ARHGEF37: variants seen among roughly 807,000 people sequenced by gnomAD.
ARHGEF37 encodes the protein Rho guanine nucleotide exchange factor (GEF) 37.
Under a neutral mutation model 71.1 loss-of-function variants are expected in ARHGEF37, and 55 were observed. That is an observed-to-expected ratio of 0.77 (90% CI 0.62 to 0.97). The LOEUF (loss-of-function observed/expected upper bound fraction) is 0.97. Among genes scored for constraint, ARHGEF37 ranks in the 50% least tolerant of loss-of-function variants. The pLI is 0.00. For missense variants in ARHGEF37, 765 were observed against 836.8 expected (o/e 0.91, Z 1.06); for synonymous variants, 327 against 350.6 (o/e 0.93, Z 0.75).
chr5:149,631,645 A>T (rs1455120476), intron 12 of ARHGEF37, among the ~76,000 whole-genome samples: 3 of 152,194 alleles, frequency 2.0e-5, no homozygotes, highest in Non-Finnish European at 4.4e-5. Flanking sequence ...GAGGTCAGAC[A>T]GGCCTAGATT....
chr5:149,562,982 G>T (rs1371255422), intron 1 of ARHGEF37, among the ~76,000 whole-genome samples: 2 of 152,058 alleles, frequency 1.3e-5, no homozygotes, highest in Non-Finnish European at 2.9e-5. Flanking sequence ...TCTCAATTCT[G>T]CCGCTTGGTG....
chr5:149,576,190 A>C (rs1204388109), intron 1 of ARHGEF37, among the ~76,000 whole-genome samples: 1 of 152,258 alleles, frequency 6.6e-6, no homozygotes. Flanking sequence ...AGTTGCAGTG[A>C]GCCAACATCA....
intron 2 of ARHGEF37, among the ~76,000 whole-genome samples, chr5:149,599,247 C>A (rs1763680902): frequency 6.6e-6 from 1 of 152,116 alleles, no homozygotes; most frequent in African/African-American, 2.4e-5. Context: ...GCAGGGAGGA[C>A]ATACGCCCAC....
rs1214562290 is a variant in ARHGEF37 at position 149,619,952 on chromosome 5, A to G, written c.895-402A>G. Among the ~76,000 whole-genome samples the G allele has an allele frequency of 3.3e-5, 5 of 152,066 alleles. No homozygotes were observed. In the East Asian group the frequency reaches 5.8e-4, roughly 18 times the overall value. On this transcript the variant is annotated intron_variant, in intron 7 of 12. Coordinates refer to ENST00000333677, the MANE Select transcript of ARHGEF37 (RefSeq NM_001001669.3). ...GCCAGGCAAGGTGTCACACGCCTGT[A>G]GTCCCAGCTACTCAGGAGGCTGAGG...
intron 1 of ARHGEF37, among the ~76,000 whole-genome samples, chr5:149,575,090 ATCTGGTGC>A (rs1231144865): frequency 1.3e-5 from 2 of 152,174 alleles, no homozygotes; most frequent in Non-Finnish European, 2.9e-5. Context: ...TGCCCTCATG[ATCTGGTGC>A]CTGCTTATGT....
intron 4 of ARHGEF37, among the ~76,000 whole-genome samples, chr5:149,610,443 C>T (rs993789829): frequency 3.3e-5 from 5 of 152,102 alleles, no homozygotes; most frequent in South Asian, 2.1e-4. Flanking sequence ...GAATGGGTAA[C>T]GTGATTATAA....
At chr5:149,613,501 C>T (rs989935965) in intron 4 of ARHGEF37, among the ~76,000 whole-genome samples, 5 of 152,004 alleles carry the variant, frequency 3.3e-5, no homozygotes, top group Non-Finnish European at 5.9e-5. Context: ...AGTGCGCCAC[C>T]ACGCCCGGCT....
intron 11 of ARHGEF37, among the ~76,000 whole-genome samples, chr5:149,627,556 G>T (rs940018650): frequency 1.3e-5 from 2 of 152,204 alleles, no homozygotes; most frequent in Admixed American, 1.3e-4. Context: ...CTGCCTGGAG[G>T]GCCTTGCAGA....
chr5:149,562,443 T>TTATG (rs1762844288), intron 1 of ARHGEF37, among the ~76,000 whole-genome samples: 1 of 151,926 alleles, frequency 6.6e-6, no homozygotes, highest in African/African-American at 2.4e-5. Flanking sequence ...TTTATTATTT[T>TTATG]TATTTATTTA....
upstream of ARHGEF37, among the ~76,000 whole-genome samples, chr5:149,580,122 G>A (rs1302365404): frequency 6.6e-6 from 1 of 151,912 alleles, no homozygotes; most frequent in Admixed American, 6.6e-5. Flanking sequence ...GTTCAGTGGC[G>A]TGATCTCAGC....
chr5:149,611,087 G>T (rs115410606), intron 4 of ARHGEF37, among the ~76,000 whole-genome samples: 1 of 152,112 alleles, frequency 6.6e-6, no homozygotes, highest in Admixed American at 6.5e-5. Context: ...TCCTCTTCCC[G>T]CCTGCTAGCT....
rs377536943 is a variant in ARHGEF37, at chr5:149,632,114, C to A, written c.1951C>A (p.Gln651Lys). 6.2e-7 allele frequency: 1 copy of A among 1,614,110 alleles called. No individual in the cohort carries two copies. The highest frequency in any genetic ancestry group is 2.2e-5 in the East Asian group (1 of 44,902). Residue 651 changes from glutamine (Q) to lysine (K), a missense_variant, in exon 13 of 13, where the codon CAG (glutamine) becomes AAG (lysine). By Grantham distance (53) the Gln-to-Lys change is moderately conservative. This residue lies in a region of ARHGEF37 where 390 missense variants were observed against 407.4 expected (regional missense o/e 0.96). Transcript: ENST00000333677. ...PEWSLVEVNG[Q>K]RGYVPSGFLA... is the part of the protein sequence containing the mutation. Reference sequence around the variant, plus strand: ...GTGGAGCCTGGTGGAAGTGAATGGACAGAGGGGTTATGTGCCTTCTGGCTT... The same window carrying A: ...GTGGAGCCTGGTGGAAGTGAATGGAAAGAGGGGTTATGTGCCTTCTGGCTT...
chr5:149,587,656 C>T (rs996232161), intron 1 of ARHGEF37, among the ~76,000 whole-genome samples: 5 of 152,108 alleles, frequency 3.3e-5, no homozygotes, highest in African/African-American at 9.7e-5. Context: ...GTGCCTCTCT[C>T]TTACTTTTTC....
chr5:149,559,981 A>C (rs931823929), intron 1 of ARHGEF37, among the ~76,000 whole-genome samples: 10 of 152,226 alleles, frequency 6.6e-5, no homozygotes, highest in African/African-American at 2.4e-4. Flanking sequence ...ATAGATTCTT[A>C]GATTCGGTGG....
At chr5:149,557,233 A>G (rs531363973) in intron 1 of ARHGEF37, among the ~76,000 whole-genome samples, 52 of 152,340 alleles carry the variant, frequency 3.4e-4, no homozygotes, top group African/African-American at 1.1e-3. Context: ...TACCCATGCC[A>G]TTACGCCCGA....
In ARHGEF37 at chr5:149,587,894, C is replaced by CCTT. The variant is rs1561790080; in HGVS notation, c.-12+6270_-12+6271insCTT. On this transcript the variant is annotated intron_variant, in intron 1 of 12. Coordinates refer to ENST00000333677, the MANE Select transcript of ARHGEF37 (RefSeq NM_001001669.3). ...TCTGTAGGTCTTCCCTCCCTTTAGT[C>CCTT]TTTTTTTTTTTTTTTTTTTGGAGAC... is the stretch of plus-strand genomic sequence containing the variant. 3.1e-5 allele frequency among the ~76,000 whole-genome samples: 4 copies of CCTT among 129,164 alleles called. 1 individual carries two copies. 84.7% of individuals were successfully genotyped at this position (129,164 alleles called of 152,430 possible).
In ARHGEF37 at chr5:149,625,697, G is replaced by A. The variant is rs1337708939; in HGVS notation, c.1465-1379G>A. Among the ~76,000 whole-genome samples the A allele has an allele frequency of 2.0e-5, 3 of 152,294 alleles. No homozygotes were observed. The East Asian group carries it at 5.8e-4, about 29-fold the overall frequency. On this transcript the variant is annotated intron_variant, in intron 10 of 12. Coordinates refer to ENST00000333677, the MANE Select transcript of ARHGEF37 (RefSeq NM_001001669.3). ...CCCGAGACTCGGGGAGAGAGCACGGGTGCAGAGGATAAACAGCAGAGCAGC... is the reference window on the plus strand; with the variant it reads ...CCCGAGACTCGGGGAGAGAGCACGGATGCAGAGGATAAACAGCAGAGCAGC...
chr5:149,598,078 C>T, intron 2 of ARHGEF37, 123 bp downstream of exon 2: 1 of 1,178,658 alleles, frequency 8.5e-7, no homozygotes, highest in Non-Finnish European at 1.2e-6. Flanking sequence ...GATGTGAAGT[C>T]TGACAGACCT....
chr5:149,566,947 T>C lies in ARHGEF37; in HGVS notation c.-12+14824T>C, dbSNP rs182418383. Among the ~76,000 whole-genome samples, 10 of 152,352 alleles carry C rather than the reference T, an allele frequency of 6.6e-5. No individual in the cohort carries two copies. In the East Asian group the frequency reaches 1.9e-3, roughly 29 times the overall value. ...AATAACAAGACGTTTTCTTTATAAC[T>C]GTATTAATTTATCAAAATCAAGGAA... On this transcript the variant is annotated intron_variant, in intron 1 of 2. Transcript: ENST00000505810.
Sources: gnomAD v4.1 joint callset for allele counts (sites outside exome capture counted in the v4.1 genomes callset) on GRCh38, gnomAD v4.1.1 for gene constraint, gnomAD v4.1.1 regional missense constraint, MANE v1.5 for transcripts, NCBI Gene and HGNC (gene_info 2026-07-23, HGNC 2026-07-21) for gene names.